PNLDC1: variants seen among roughly 807,000 people sequenced by gnomAD.
PNLDC1 encodes the protein PARN like ribonuclease domain containing exonuclease 1, also known as poly(A)-specific ribonuclease PNLDC1.
Under a neutral mutation model 82.0 loss-of-function variants are expected in PNLDC1, and 70 were observed. The observed-to-expected ratio is 0.85, with a 90% CI of 0.70 to 1.04. The LOEUF is 1.04. PNLDC1 is among the 50% of genes least tolerant of loss of function. PNLDC1 has a pLI of 0.00. For missense variants in PNLDC1, 631 were observed against 661.1 expected, an observed-to-expected ratio of 0.95 and a Z score of 0.50; for synonymous variants, 280 against 249.3, an observed-to-expected ratio of 1.12 and a Z score of -1.16.
intron 15 of PNLDC1, among the ~76,000 whole-genome samples, chr6:159,817,698 C>T (rs1471403439): frequency 6.6e-6 from 1 of 152,234 alleles, no homozygotes; most frequent in Non-Finnish European, 1.5e-5. Flanking sequence ...TAGCAGCGTG[C>T]ACGCTACAGC....
chr6:159,809,228 C>T (rs1781563266), intron 9 of PNLDC1, 70 bp downstream of exon 9: 6 of 1,542,446 alleles, frequency 3.9e-6, no homozygotes, highest in South Asian at 1.2e-5. Context: ...ATACTAAAGG[C>T]TCCTTCAACA....
At chr6:159,815,793 C>G (rs1781793269) in intron 12 of PNLDC1, among the ~76,000 whole-genome samples, 176 bp from the exon 13 acceptor site, 1 of 152,132 alleles carries the variant, frequency 6.6e-6, no homozygotes, top group Non-Finnish European at 1.5e-5. Flanking sequence ...ATTGTTCTTT[C>G]CCCTTTCCTG....
At chr6:159,818,518 G>C (rs748697457) in intron 15 of PNLDC1, 37 bp from the exon 16 acceptor site, 1 of 1,577,892 alleles carries the variant, frequency 6.3e-7, no homozygotes, top group East Asian at 2.2e-5. Flanking sequence ...ATGAACTTCT[G>C]TGCGCCCGAC....
intron 4 of PNLDC1, chr6:159,803,511 G>T: frequency 3.4e-6 from 2 of 595,268 alleles, no homozygotes; most frequent in African/African-American, 1.9e-5. Flanking sequence ...TACCTTTCCC[G>T]CCAGCCTTGC....
At chr6:159,816,066 G>A in intron 13 of PNLDC1, 33 bp downstream of exon 13, 2 of 1,462,240 alleles carry the variant, frequency 1.4e-6, no homozygotes, top group Admixed American at 3.9e-5. Context: ...TCCTTGCACA[G>A]TCGGCAGAGT....
intron 9 of PNLDC1, among the ~76,000 whole-genome samples, chr6:159,809,763 A>G (rs1781582568): frequency 6.6e-6 from 1 of 152,202 alleles, no homozygotes; most frequent in African/African-American, 2.4e-5. Context: ...GGAAACTGCA[A>G]GTGCCTGCTT....
chr6:159,800,358 G>A lies in PNLDC1; in HGVS notation c.51G>A (p.Glu17=), dbSNP rs1583161823. 1.3e-6 allele frequency: 2 copies of A among 1,548,078 alleles called. No individual in the cohort carries two copies. Among genetic ancestry groups the A allele is most frequent in the Admixed American group, 2.0e-5 (1 of 50,966 alleles). The change falls in exon 1 of 19, where the codon GAG becomes GAA. Residue 17 remains glutamate, a synonymous_variant. Transcript: ENST00000392167. ...AGGAGAGCCTCCCTCTGCTGCAGGAGCTCGTCCAGGAGGCCGACTTCGTGG... is the reference window on the plus strand; with the variant it reads ...AGGAGAGCCTCCCTCTGCTGCAGGAACTCGTCCAGGAGGCCGACTTCGTGG... ...EFEESLPLLQ[E]LVQEADFVGL...
chr6:159,800,152 G>A, upstream of PNLDC1: 1 of 622,878 alleles, frequency 1.6e-6, no homozygotes, highest in South Asian at 2.2e-5. Context: ...TGTGGGCGAC[G>A]CCAGCAGCAC....
At chr6:159,799,830 G>C (rs1457982544), upstream of PNLDC1, among the ~76,000 whole-genome samples, 1 of 152,166 alleles carries the variant, frequency 6.6e-6, no homozygotes, top group East Asian at 1.9e-4. Context: ...GTGGGAGAGG[G>C]AATGGGGACA....
chr6:159,810,543 AC>A (rs1338226616), intron 10 of PNLDC1, among the ~76,000 whole-genome samples: 1 of 152,160 alleles, frequency 6.6e-6, no homozygotes, highest in Admixed American at 6.5e-5. Flanking sequence ...GTGTCATGTG[AC>A]ACTGTCTTCT....
intron 12 of PNLDC1, 43 bp from the exon 13 acceptor site, chr6:159,815,923 TTAC>T: frequency 6.8e-7 from 1 of 1,470,606 alleles, no homozygotes; most frequent in African/African-American, 1.4e-5. Context: ...CAAGAAGGGA[TTAC>T]TTTCAGCAAA....
intron 8 of PNLDC1, 91 bp downstream of exon 8, chr6:159,808,907 C>A: frequency 6.3e-7 from 1 of 1,586,448 alleles, no homozygotes; most frequent in South Asian, 1.1e-5. Context: ...TTTTATCTTG[C>A]ACGCTGCTAG....
intron 4 of PNLDC1, 62 bp from the exon 5 acceptor site, chr6:159,803,903 C>G (rs1781352140): frequency 1.3e-6 from 2 of 1,556,938 alleles, no homozygotes; most frequent in Non-Finnish European, 8.7e-7. Context: ...TGAAGCCAGC[C>G]CTGGGAGCCA....
chr6:159,810,453 A>G (rs1202532903), intron 10 of PNLDC1, among the ~76,000 whole-genome samples: 1 of 152,158 alleles, frequency 6.6e-6, no homozygotes, highest in African/African-American at 2.4e-5. Flanking sequence ...TGATTACACT[A>G]TTTGATTTTT....
chr6:159,820,273 G>A (rs947059960), intron 18 of PNLDC1, among the ~76,000 whole-genome samples, 181 bp from the exon 19 acceptor site: 2 of 152,172 alleles, frequency 1.3e-5, no homozygotes, highest in African/African-American at 2.4e-5. Flanking sequence ...TTCAACCTGC[G>A]GTTTGCATCC....
intron 3 of PNLDC1, among the ~76,000 whole-genome samples, chr6:159,802,105 C>T (rs1046199722): frequency 1.7e-4 from 26 of 152,186 alleles, no homozygotes; most frequent in Admixed American, 1.6e-3. Flanking sequence ...CCAGGCTGGT[C>T]AAGACAGAGC....
At position 159,811,841 on chromosome 6, in the gene PNLDC1, T is replaced by C. The variant is rs1781655703; in HGVS notation, c.939+55T>C. The C allele has an allele frequency of 1.7e-5, 21 of 1,271,886 alleles. No homozygotes were observed. The South Asian group carries it at 2.7e-4, about 16-fold the overall frequency. The allele number at this position is 1,271,886 out of a possible 1,614,324, so 78.8% of individuals were successfully genotyped here. ...ACTGCTTTTTCCATACCAGTAACAC[T>C]TAGCTTTCTCTTGTGGGGTTTTTTT... On this transcript the variant is annotated intron_variant, in intron 11 of 18. Transcript: ENST00000392167.
At position 159,806,088 on chromosome 6, in the gene PNLDC1, G is replaced by A. The variant is rs1324172166; in HGVS notation, c.562+5G>A. 1.2e-6 allele frequency: 2 copies of A among 1,611,358 alleles called. No homozygotes were observed. The highest frequency in any genetic ancestry group is 2.7e-5 in the African/African-American group (2 of 74,980). The stretch of plus-strand genomic sequence containing the variant: ...TGACTCTTCCTGGGATCACTGGTAG[G>A]CAGGGCCTGTTCCTCCCAACGCAGG... On this transcript the variant is annotated splice_donor_5th_base_variant and intron_variant, in intron 7 of 18. Coordinates refer to ENST00000392167, the MANE Select transcript of PNLDC1 (RefSeq NM_001271862.2).
At chr6:159,810,978 C>G (rs1034268447) in intron 10 of PNLDC1, among the ~76,000 whole-genome samples, 5 of 152,214 alleles carry the variant, frequency 3.3e-5, no homozygotes, top group African/African-American at 1.2e-4. Flanking sequence ...GTAGCCACCA[C>G]AGAGCCTTTT....
Sources: gnomAD v4.1 joint callset for allele counts (sites outside exome capture counted in the v4.1 genomes callset) on GRCh38, gnomAD v4.1.1 for gene constraint, MANE v1.5 for transcripts, NCBI Gene and HGNC (gene_info 2026-07-23, HGNC 2026-07-21) for gene names.